Variants in DLGAP2 observed in about 807,000 individuals in gnomAD.
The protein encoded by DLGAP2 is disks large-associated protein 2.
A neutral mutation model predicts 100.3 loss-of-function variants in DLGAP2; 26 were observed. The observed-to-expected ratio is 0.26, with a 90% CI of 0.19 to 0.36. The LOEUF is 0.36. Ranked by LOEUF, DLGAP2 falls within the 10% of genes least tolerant of loss-of-function variation. The pLI, the probability that DLGAP2 is intolerant of heterozygous loss-of-function variation, is 1.00. For synonymous variants in DLGAP2, 886 were observed against 630.1 expected (o/e 1.41, Z -6.08); for missense variants, 1,858 against 1,453.2 (o/e 1.28, Z -4.53).
chr8:1,301,176 T>A (rs538289690), intron 3 of DLGAP2: 1 of 152,494 alleles, frequency 6.6e-6, no homozygotes, highest in African/African-American at 2.4e-5. Context: ...GCTCCGCCAG[T>A]GCTGTGGATC....
chr8:1,164,642 C>A (rs1796979076), intron 2 of DLGAP2, among the ~76,000 whole-genome samples: 1 of 152,202 alleles, frequency 6.6e-6, no homozygotes, highest in Admixed American at 6.5e-5. Flanking sequence ...ACCGCCAGGG[C>A]CTGTCTCTAA....
At chr8:1,232,709 G>T (rs2116836935) in intron 2 of DLGAP2, among the ~76,000 whole-genome samples, 1 of 152,302 alleles carries the variant, frequency 6.6e-6, no homozygotes, top group East Asian at 1.9e-4. Flanking sequence ...ACAAGACAAG[G>T]TGCATGTTCA....
rs147603062 is a variant in DLGAP2 at position 1,696,056 on chromosome 8, G to A, written c.2797-1091G>A. Among the ~76,000 whole-genome samples, 508 of 152,350 alleles carry A rather than the reference G, an allele frequency of 3.3e-3. 6 individuals are homozygous for A. The highest frequency in any genetic ancestry group is 0.012 in the African/African-American group (479 of 41,584). ...TGGGTGAGGAATCGCAGAGCTGTCCGTTCAGCATGCTCTTCACTGAGCATG... is the reference window on the plus strand; with the variant it reads ...TGGGTGAGGAATCGCAGAGCTGTCCATTCAGCATGCTCTTCACTGAGCATG... On this transcript the variant is annotated intron_variant, in intron 13 of 14. Coordinates refer to ENST00000637795, the MANE Select transcript of DLGAP2 (RefSeq NM_001346810.2).
At chr8:1,373,365 T>C (rs1179358628) in intron 3 of DLGAP2, among the ~76,000 whole-genome samples, 4 of 151,788 alleles carry the variant, frequency 2.6e-5, no homozygotes, top group Admixed American at 6.6e-5. Context: ...TGGCCGCAGG[T>C]TGGGCAGCGC....
chr8:1,090,693 G>C (rs993888582), intron 2 of DLGAP2, among the ~76,000 whole-genome samples: 4 of 152,232 alleles, frequency 2.6e-5, no homozygotes, highest in Admixed American at 6.5e-5. Context: ...CTGTGTGGAC[G>C]TCTGCTGACT....
chr8:1,007,415 G>C (rs1300545353), intron 2 of DLGAP2, among the ~76,000 whole-genome samples: 1 of 152,196 alleles, frequency 6.6e-6, no homozygotes, highest in Non-Finnish European at 1.5e-5. Flanking sequence ...TGCTACCTTT[G>C]AATATTGGCC....
At chr8:1,050,102 G>A (rs1262044215) in intron 2 of DLGAP2, among the ~76,000 whole-genome samples, 4 of 152,254 alleles carry the variant, frequency 2.6e-5, no homozygotes, top group Non-Finnish European at 5.9e-5. Context: ...ACATACATAT[G>A]TGTTCACGGA....
chr8:1,011,509 G>C (rs1801285346), intron 2 of DLGAP2, among the ~76,000 whole-genome samples: 1 of 150,106 alleles, frequency 6.7e-6, no homozygotes, highest in South Asian at 2.1e-4. Context: ...AGGGGTCTCA[G>C]TCTGCACAGT....
intron 3 of DLGAP2, among the ~76,000 whole-genome samples, chr8:1,447,792 A>C (rs1351592957): frequency 6.6e-6 from 1 of 152,270 alleles, no homozygotes; most frequent in East Asian, 1.9e-4. Context: ...CAGAGAGTCA[A>C]CTTCTTCCTG....
intron 1 of DLGAP2, among the ~76,000 whole-genome samples, chr8:794,962 C>T (rs974188189): frequency 5.3e-5 from 8 of 152,114 alleles, no homozygotes; most frequent in African/African-American, 1.9e-4. Context: ...CTTGTCCATC[C>T]CTCCAGGTGA....
chr8:1,417,905 C>T (rs905848659), intron 3 of DLGAP2, among the ~76,000 whole-genome samples: 1 of 152,156 alleles, frequency 6.6e-6, no homozygotes, highest in African/African-American at 2.4e-5. Context: ...GAGCCTTTTG[C>T]TCTGATAAAA....
At chr8:1,178,784 G>T (rs1797316859) in intron 2 of DLGAP2, among the ~76,000 whole-genome samples, 1 of 152,178 alleles carries the variant, frequency 6.6e-6, no homozygotes, top group South Asian at 2.1e-4. Context: ...CAATTCCAGG[G>T]AAGACCCAGG....
intron 2 of DLGAP2, among the ~76,000 whole-genome samples, chr8:973,997 T>C (rs1800097908): frequency 6.6e-6 from 1 of 151,830 alleles, no homozygotes; most frequent in South Asian, 2.1e-4. Flanking sequence ...TTTTTAAAAA[T>C]GGAACAGAAT....
At chr8:914,832 T>A (rs769434129) in intron 2 of DLGAP2, among the ~76,000 whole-genome samples, 7 of 152,228 alleles carry the variant, frequency 4.6e-5, no homozygotes, top group Admixed American at 4.6e-4. Flanking sequence ...TTTAATGATA[T>A]ACCAGTGTAA....
At chr8:1,547,027 G>A (rs542870900) in intron 4 of DLGAP2, among the ~76,000 whole-genome samples, 1 of 152,316 alleles carries the variant, frequency 6.6e-6, no homozygotes, top group East Asian at 1.9e-4. Context: ...GCCGAGTGGT[G>A]TGGAGCCGGG....
rs898834177 is a variant in DLGAP2 at position 1,706,144 on chromosome 8, T to G, written c.*4738T>G. 1.3e-5 allele frequency: 2 copies of G among 152,246 alleles called. No homozygotes were observed. Among genetic ancestry groups the G allele is most frequent in the Non-Finnish European group, 2.9e-5 (2 of 68,042 alleles). The allele number at this position is 152,246 out of a possible 1,614,324, so 9.4% of individuals were successfully genotyped here. On this transcript the variant is annotated 3_prime_UTR_variant, in exon 15 of 15. Transcript: ENST00000637795. ...ACACATTCGGCTGAATGTCCCCCAG[T>G]GCAGGGTGGCAGCAGAATGTTCTGG...
At chr8:1,583,263 G>A (rs569156968) in intron 6 of DLGAP2, among the ~76,000 whole-genome samples, 1 of 152,188 alleles carries the variant, frequency 6.6e-6, no homozygotes, top group Non-Finnish European at 1.5e-5. Flanking sequence ...TGGGTTGGGT[G>A]AGGTGATCAA....
At chr8:1,441,944 A>T (rs1208150526) in intron 3 of DLGAP2, among the ~76,000 whole-genome samples, 1 of 152,182 alleles carries the variant, frequency 6.6e-6, no homozygotes, top group Non-Finnish European at 1.5e-5. Flanking sequence ...AAGGGACAAG[A>T]TCATGTATTT....
chr8:1,552,818 G>C (rs1218570282), intron 5 of DLGAP2, among the ~76,000 whole-genome samples: 1 of 152,184 alleles, frequency 6.6e-6, no homozygotes, highest in Non-Finnish European at 1.5e-5. Context: ...GTTCACATTA[G>C]AGGAAGATTT....
Sources: gnomAD v4.1 joint callset for allele counts (sites outside exome capture counted in the v4.1 genomes callset) on GRCh38, gnomAD v4.1.1 for gene constraint, MANE v1.5 for transcripts, NCBI Gene and HGNC (gene_info 2026-07-23, HGNC 2026-07-21) for gene names.